The following C11orf16 variants were observed in gnomAD, a reference collection of about 807,000 sequenced individuals.
The protein encoded by C11orf16 is chromosome 11 open reading frame 16.
Under a neutral mutation model 45.1 loss-of-function variants are expected in C11orf16, and 38 were observed. That is an observed-to-expected ratio of 0.84 (90% CI 0.65 to 1.10). The LOEUF is 1.10. Among genes scored for constraint, C11orf16 ranks in the 50% least tolerant of loss-of-function variants. The pLI, the probability that C11orf16 is intolerant of heterozygous loss-of-function variation, is 0.00. For synonymous variants in C11orf16, 221 were observed against 222.0 expected, an observed-to-expected ratio of 1.00 and a Z score of 0.04; for missense variants, 583 against 569.5, an observed-to-expected ratio of 1.02 and a Z score of -0.24.
chr11:8,929,489 C>T lies in C11orf16; in HGVS notation c.212G>A (p.Trp71Ter). ...TCTTCCCAGCCAGCCAGGCCCCTGC[C>T]ATGCTGGGTCGGCAACGTGGAGACA... is the stretch of plus-strand genomic sequence containing the variant. The part of the protein sequence containing the change: ...CPCLHVADPA[W>*]QGPGWLGRAG... The change falls in exon 3 of 7, where the codon TGG becomes TAG. Residue 71 changes from tryptophan (W) to a stop codon, truncating the protein, a stop_gained. Coordinates refer to ENST00000326053, the MANE Select transcript of C11orf16 (RefSeq NM_020643.3). LOFTEE classifies it high-confidence loss of function. 1.2e-6 allele frequency: 2 copies of T among 1,614,116 alleles called. No homozygotes were observed. The highest frequency in any genetic ancestry group is 1.1e-5 in the South Asian group (1 of 91,068).
At chr11:8,924,271 A>T (rs1460938891) in intron 5 of C11orf16, among the ~76,000 whole-genome samples, 2 of 152,112 alleles carry the variant, frequency 1.3e-5, no homozygotes, top group Admixed American at 6.6e-5. Context: ...CACGCCTGTA[A>T]TCCCAGCACT....
intron 5 of C11orf16, among the ~76,000 whole-genome samples, chr11:8,921,921 A>G (rs1280886773): frequency 6.6e-6 from 1 of 152,218 alleles, no homozygotes; most frequent in South Asian, 2.1e-4. Context: ...AGTTACAGGT[A>G]TAAGCCACTA....
rs777127658 is a variant in C11orf16 at position 8,932,236 on chromosome 11, C to G, written c.73G>C (p.Gly25Arg). The change falls in exon 2 of 7, where the codon GGC (glycine) becomes CGC (arginine). Residue 25 changes from glycine to arginine, a missense_variant. Transcript: ENST00000326053. ...CAAGGTGGAGCAGCACCGTCCCAGC[C>G]AGGGGCCTTCAGGCTTGTGGCCACG... ...CSVATSLKAP[G>R]WDGAAPPWDL... 6.2e-7 allele frequency: 1 copy of G among 1,609,502 alleles called. No individual in the cohort carries two copies. The highest frequency in any genetic ancestry group is 8.5e-7 in the Non-Finnish European group (1 of 1,178,170).
At chr11:8,921,620 T>C in intron 5 of C11orf16, 105 bp from the exon 6 acceptor site, 1 of 1,037,352 alleles carries the variant, frequency 9.6e-7, no homozygotes, top group Non-Finnish European at 1.4e-6. Flanking sequence ...CAAGCATTGT[T>C]TTCTTTTCAT....
In C11orf16 at chr11:8,926,185, C is replaced by CTTTT. The variant is rs59858402; in HGVS notation, c.560-82_560-79dup. On this transcript the variant is annotated intron_variant, in intron 4 of 6. Coordinates refer to ENST00000326053, the MANE Select transcript of C11orf16 (RefSeq NM_020643.3). Reference sequence around the variant, plus strand: ...TTTTTCTTTTTTCTTTTTTTCTTTTCTTTTTTTTTTTTTTTTTTTGAGACA... The same window carrying CTTTT: ...TTTTTCTTTTTTCTTTTTTTCTTTTCTTTTTTTTTTTTTTTTTTTTTTTGAGACA... 3,296 of 886,330 alleles carry CTTTT rather than the reference C, an allele frequency of 3.7e-3. 2 individuals are homozygous for CTTTT. The highest frequency in any genetic ancestry group is 4.1e-3 in the Non-Finnish European group (2,645 of 644,976). 54.9% of individuals were successfully genotyped at this position (886,330 alleles called of 1,614,324 possible). A position where few individuals can be genotyped will look rare whatever the true frequency, so the allele number is the denominator to read the frequency against.
At position 8,923,205 on chromosome 11, in the gene C11orf16, G is replaced by C. The variant is rs142795722; in HGVS notation, c.1205-1690C>G. 4.4e-3 allele frequency among the ~76,000 whole-genome samples: 675 copies of C among 152,320 alleles called. 9 individuals are homozygous for C. Among genetic ancestry groups the C allele is most frequent in the African/African-American group, 0.015 (638 of 41,574 alleles). On this transcript the variant is annotated intron_variant, in intron 5 of 6. Coordinates refer to ENST00000326053, the MANE Select transcript of C11orf16 (RefSeq NM_020643.3). Reference sequence around the variant, plus strand: ...TAGCAGTAAGAGCTGTGTAAACTTAGGGCCAGGGGAAATTTGTTTGGACTT... The same window carrying C: ...TAGCAGTAAGAGCTGTGTAAACTTACGGCCAGGGGAAATTTGTTTGGACTT...
chr11:8,924,851 G>A (rs566142957), intron 5 of C11orf16, among the ~76,000 whole-genome samples: 4 of 152,266 alleles, frequency 2.6e-5, no homozygotes, highest in East Asian at 1.9e-4. Flanking sequence ...TGGGCTCCCC[G>A]AACCTAGCAG....
intron 2 of C11orf16, among the ~76,000 whole-genome samples, chr11:8,930,341 G>A (rs7129159): frequency 0.013 from 1,872 of 147,340 alleles, 50 homozygotes; most frequent in African/African-American, 0.045. Flanking sequence ...CAGAAGAATC[G>A]CTTGAACCCA....
chr11:8,932,425 G>A (rs2064656184), intron 1 of C11orf16, 99 bp from the exon 2 acceptor site: 5 of 999,148 alleles, frequency 5.0e-6, no homozygotes, highest in Non-Finnish European at 5.6e-6. Flanking sequence ...TGCCTCTGGG[G>A]ACAGTTGAGT....
intron 5 of C11orf16, among the ~76,000 whole-genome samples, chr11:8,924,900 T>G (rs1352048969): frequency 6.6e-6 from 1 of 152,162 alleles, no homozygotes; most frequent in African/African-American, 2.4e-5. Flanking sequence ...CGATGCAGTG[T>G]GGGGCTGGCT....
chr11:8,929,611 A>G (rs2064637694), intron 2 of C11orf16, 78 bp from the exon 3 acceptor site: 3 of 1,335,114 alleles, frequency 2.2e-6, no homozygotes, highest in East Asian at 2.5e-5. Flanking sequence ...TCGCAGGTAC[A>G]TCTGAGGTAC....
chr11:8,929,009 C>T (rs180813392), intron 3 of C11orf16: 1 of 211,280 alleles, frequency 4.7e-6, no homozygotes, highest in East Asian at 1.3e-4. Flanking sequence ...AAGGCGATGC[C>T]TCTATAAGCT....
intron 5 of C11orf16, among the ~76,000 whole-genome samples, chr11:8,922,702 A>G (rs780979755): frequency 4.4e-4 from 67 of 152,256 alleles, no homozygotes; most frequent in Admixed American, 7.2e-4. Flanking sequence ...GACAGAACGG[A>G]TATCAAGTCC....
intron 2 of C11orf16, among the ~76,000 whole-genome samples, chr11:8,930,424 CAAAAAAAAAAA>C (rs11303185): frequency 6.2e-4 from 36 of 58,418 alleles, no homozygotes; most frequent in Admixed American, 2.0e-3. Flanking sequence ...GACTCTGTCT[CAAAAAAAAAAA>C]AAAAAAAAAA....
In C11orf16 at chr11:8,926,165, CTT is replaced by C. The variant is rs1181118628; in HGVS notation, c.560-60_560-59del. 362 of 982,620 alleles carry C rather than the reference CTT, an allele frequency of 3.7e-4. 1 individual carries two copies. The African/African-American group carries it at 5.4e-3, about 15-fold the overall frequency. 60.9% of individuals were successfully genotyped at this position (982,620 alleles called of 1,614,324 possible). On this transcript the variant is annotated intron_variant, in intron 4 of 6. Coordinates refer to ENST00000326053, the MANE Select transcript of C11orf16 (RefSeq NM_020643.3). Reference sequence around the variant, plus strand: ...AATTACCAATTATCTCCTTTTTTTTCTTTTTTCTTTTTTTCTTTTCTTTTTTT... The same window carrying C: ...AATTACCAATTATCTCCTTTTTTTTCTTTTCTTTTTTTCTTTTCTTTTTTT...
At chr11:8,922,948 T>G (rs2064585181) in intron 5 of C11orf16, among the ~76,000 whole-genome samples, 1 of 152,182 alleles carries the variant, frequency 6.6e-6, no homozygotes, top group Non-Finnish European at 1.5e-5. Flanking sequence ...GCTCTCCATA[T>G]ATTTGGGAAC....
chr11:8,921,317 T>C lies in C11orf16; in HGVS notation c.1403A>G (p.Ter468TrpextTer11). 6.2e-7 allele frequency: 1 copy of C among 1,614,058 alleles called. No homozygotes were observed. The highest frequency in any genetic ancestry group is 1.3e-5 in the African/African-American group (1 of 74,938). ...ACCTAGATCCTCAGGGCTCTTAGTCTAACGGGAATTCTTGTTCCACTGACA... is the reference window on the plus strand; with the variant it reads ...ACCTAGATCCTCAGGGCTCTTAGTCCAACGGGAATTCTTGTTCCACTGACA... The part of the protein sequence containing the change: ...AICQWNKNSR[*>W] Residue 468 changes from the stop codon to tryptophan (W), a stop_lost, in exon 6 of 7, where the codon TAG becomes TGG. Transcript: ENST00000326053.
At chr11:8,924,076 C>T (rs966882907) in intron 5 of C11orf16, among the ~76,000 whole-genome samples, 1 of 151,966 alleles carries the variant, frequency 6.6e-6, no homozygotes, top group African/African-American at 2.4e-5. Flanking sequence ...GGGAAAAATC[C>T]TCATATAAAA....
rs186159848 is a variant in C11orf16, at chr11:8,929,482, C to A, written c.219G>T (p.Gly73=). 3.5e-5 allele frequency: 56 copies of A among 1,614,152 alleles called. No homozygotes were observed. In the East Asian group the frequency reaches 5.6e-4, roughly 16 times the overall value. The part of the protein sequence containing the change: ...CLHVADPAWQ[G]PGWLGRAGDA... ...CTCCAGCTCTTCCCAGCCAGCCAGGCCCCTGCCATGCTGGGTCGGCAACGT... is the reference window on the plus strand; with the variant it reads ...CTCCAGCTCTTCCCAGCCAGCCAGGACCCTGCCATGCTGGGTCGGCAACGT... The change falls in exon 3 of 7, where the codon GGG becomes GGT. Residue 73 remains glycine (G), a synonymous_variant. Coordinates refer to ENST00000326053, the MANE Select transcript of C11orf16 (RefSeq NM_020643.3).
Sources: allele counts gnomAD v4.1 joint callset (sites outside exome capture counted in the v4.1 genomes callset), GRCh38; gene constraint gnomAD v4.1.1; transcripts MANE v1.5; gene names NCBI Gene and HGNC (gene_info 2026-07-23, HGNC 2026-07-21).